DPYSL2: variants seen among roughly 807,000 people sequenced by gnomAD.
The protein encoded by DPYSL2 is dihydropyrimidinase like 2.
A neutral mutation model predicts 69.9 loss-of-function variants in DPYSL2; 13 were observed. The ratio of observed to expected loss-of-function variants is 0.19; its 90% confidence interval spans 0.12 to 0.30. DPYSL2 has a LOEUF of 0.30. Among genes scored for constraint, DPYSL2 ranks in the 10% least tolerant of loss-of-function variants. The pLI is 1.00. For missense variants in DPYSL2, 587 were observed against 918.9 expected (o/e 0.64, Z 4.67); for synonymous variants, 326 against 359.1 (o/e 0.91, Z 1.04).
rs9644117 is a variant in DPYSL2, at chr8:26,648,002, T to C, written c.1596+202T>C. Reference sequence around the variant, plus strand: ...GAGGTCAATAAGATTGTTACTCTCATAATCATTTTGGAATACCACAGCCTC... The same window carrying C: ...GAGGTCAATAAGATTGTTACTCTCACAATCATTTTGGAATACCACAGCCTC... On this transcript the variant is annotated intron_variant, in intron 11 of 13. Transcript: ENST00000521913. This position sits in a 1 kb window ranked among gnomAD's most constrained non-coding sequence, Gnocchi z 4.3. Among the ~76,000 whole-genome samples the C allele has an allele frequency of 0.44, 67,529 of 152,070 alleles. 16,235 individuals are homozygous for C. The highest frequency in any genetic ancestry group is 0.55 in the Non-Finnish European group (37,228 of 67,952).
At position 26,556,150 on chromosome 8, in the gene DPYSL2, A is replaced by ATAATAGT. The variant is rs1563384905; in HGVS notation, c.355-25819_355-25818insTAATAGT. Among the ~76,000 whole-genome samples the ATAATAGT allele has an allele frequency of 2.2e-3, 24 of 11,142 alleles. 1 individual carries two copies. The highest frequency in any genetic ancestry group is 2.6e-3 in the Non-Finnish European group (19 of 7,418). The allele number at this position is 11,142 out of a possible 152,430, so 7.3% of individuals were successfully genotyped here. ...ATTATATATACTATATATAGTATAT[A>ATAATAGT]CTATATATAGTATATACTATATATA... On this transcript the variant is annotated intron_variant, in intron 1 of 13. Coordinates refer to ENST00000521913, the MANE Select transcript of DPYSL2 (RefSeq NM_001197293.3).
intron 7 of DPYSL2, among the ~76,000 whole-genome samples, chr8:26,630,676 T>A (rs1286767849): frequency 6.6e-6 from 1 of 152,176 alleles, no homozygotes; most frequent in African/African-American, 2.4e-5. Flanking sequence ...CTACTGCCCA[T>A]GAGTGGTGGT....
At chr8:26,557,824 A>G (rs1387650422) in intron 1 of DPYSL2, among the ~76,000 whole-genome samples, 2 of 151,856 alleles carry the variant, frequency 1.3e-5, no homozygotes, top group Non-Finnish European at 2.9e-5. Context: ...AGCAACAATG[A>G]GATACCACTA....
Position 26,605,312 on chromosome 8 carries a change from AT to A in DPYSL2, c.629-18822del, listed in dbSNP as rs568178323. On this transcript the variant is annotated intron_variant, in intron 3 of 13. Transcript: ENST00000521913. This position sits in a 1 kb window ranked among gnomAD's most constrained non-coding sequence, Gnocchi z 4.1. ...GGGGAGAAAATATAAGATTATTACT[AT>A]TTTTTTTTATTGCCCAGGCTGGAGT... is the stretch of plus-strand genomic sequence containing the variant. Among the ~76,000 whole-genome samples, 376 of 151,014 alleles carry A rather than the reference AT, an allele frequency of 2.5e-3. 1 individual carries two copies. Among genetic ancestry groups the A allele is most frequent in the Non-Finnish European group, 2.9e-3 (193 of 67,620 alleles).
At position 26,605,235 on chromosome 8, in the gene DPYSL2, CGG is replaced by C. The variant is rs201047307; in HGVS notation, c.629-18907_629-18906del. On this transcript the variant is annotated intron_variant, in intron 3 of 13. Coordinates refer to ENST00000521913, the MANE Select transcript of DPYSL2 (RefSeq NM_001197293.3). The surrounding 1 kb of genome is among the most constrained non-coding windows in gnomAD (Gnocchi z 4.1). ...TTATCACTACTGTTTAACATGGTTC[CGG>C]ATATGTTAGCCAGTGTAATAAGATA... Among the ~76,000 whole-genome samples, 1,600 of 151,850 alleles carry C rather than the reference CGG, an allele frequency of 0.011. 14 individuals are homozygous for C. Among genetic ancestry groups the C allele is most frequent in the Middle Eastern group, 0.014 (4 of 294 alleles).
rs1471823512 is a variant in DPYSL2, at chr8:26,642,682, A to G, written c.1127-757A>G. ...CATGAGTCTCAACTTTCTGGTTTAC[A>G]TCTGAATGGACAGAGAAGAGGACAT... On this transcript the variant is annotated intron_variant, in intron 8 of 13. Coordinates refer to ENST00000521913, the MANE Select transcript of DPYSL2 (RefSeq NM_001197293.3). The surrounding 1 kb of genome is among the most constrained non-coding windows in gnomAD (Gnocchi z 5.3). 6.6e-6 allele frequency: 1 copy of G among 152,244 alleles called. No homozygotes were observed. The highest frequency in any genetic ancestry group is 2.4e-5 in the African/African-American group (1 of 41,462). 9.4% of individuals were successfully genotyped at this position (152,244 alleles called of 1,614,324 possible).
At chr8:26,577,148 C>T (rs933806083) in intron 1 of DPYSL2, 1 of 447,488 alleles carries the variant, frequency 2.2e-6, no homozygotes, top group Non-Finnish European at 4.5e-6. Flanking sequence ...GAAGGGTTTC[C>T]TCAGGGCTCT....
At chr8:26,524,801 CAAAAAAAAAAAAAAAAAA>C (rs753822230) in intron 1 of DPYSL2, among the ~76,000 whole-genome samples, 4 of 41,088 alleles carry the variant, frequency 9.7e-5, no homozygotes, top group East Asian at 1.0e-3. Flanking sequence ...GACTCTGTCT[CAAAAAAAAAAAAAAAAAA>C]AAAAAAAAAA....
intron 7 of DPYSL2, among the ~76,000 whole-genome samples, chr8:26,632,113 C>T (rs1203870474): frequency 6.6e-6 from 1 of 152,156 alleles, no homozygotes; most frequent in African/African-American, 2.4e-5. Flanking sequence ...TCCCAACCCA[C>T]CATGTGAGAC....
In DPYSL2 at chr8:26,643,956, C is replaced by A. The variant is rs1225276883; in HGVS notation, c.1290C>A (p.Asp430Glu). 1 of 1,614,008 alleles carries A rather than the reference C, an allele frequency of 6.2e-7. No homozygotes were observed. The highest frequency in any genetic ancestry group is 8.5e-7 in the Non-Finnish European group (1 of 1,179,930). Residue 430 changes from aspartate (D) to glutamate (E), a missense_variant, in exon 10 of 14, where the codon GAC (aspartate) becomes GAA (glutamate). By Grantham distance (45) the Asp-to-Glu change is conservative (BLOSUM62 2). Coordinates refer to ENST00000521913, the MANE Select transcript of DPYSL2 (RefSeq NM_001197293.3). The surrounding 1 kb of genome is among the most constrained non-coding windows in gnomAD (Gnocchi z 6.5). ...TTATGCATTTTCTTTGCAGTGGAGA[C>A]CTCCAGGTCACGGGCAGTGCCCATT... is the stretch of plus-strand genomic sequence containing the variant. Reference protein sequence around the residue: ...DFLNSLLSCGDLQVTGSAHCT... With the variant: ...DFLNSLLSCGELQVTGSAHCT...
At chr8:26,615,745 T>A (rs1182728814) in intron 3 of DPYSL2, among the ~76,000 whole-genome samples, 1 of 152,282 alleles carries the variant, frequency 6.6e-6, no homozygotes, top group African/African-American at 2.4e-5. Flanking sequence ...AATGCTGGGA[T>A]GTATGTTATT....
intron 1 of DPYSL2, among the ~76,000 whole-genome samples, chr8:26,535,633 A>ATT (rs1408347228): frequency 1.4e-4 from 21 of 149,984 alleles, no homozygotes; most frequent in African/African-American, 5.0e-4. Flanking sequence ...ATATATATAT[A>ATT]TATTTTTTTT....
chr8:26,572,575 C>T (rs12674776), intron 1 of DPYSL2, among the ~76,000 whole-genome samples: 66,506 of 152,114 alleles, frequency 0.44, 17,073 homozygotes, highest in East Asian at 0.71. Flanking sequence ...TCTCGGCTCA[C>T]TGCAACCTCC....
At chr8:26,551,084 G>C (rs1800867448) in intron 1 of DPYSL2, among the ~76,000 whole-genome samples, 1 of 152,144 alleles carries the variant, frequency 6.6e-6, no homozygotes, top group Admixed American at 6.5e-5. Context: ...CACCTTCATA[G>C]ACATACCTGG....
At position 26,652,192 on chromosome 8, in the gene DPYSL2, G is replaced by T; in HGVS notation, c.1597-65G>T. 1 of 1,483,630 alleles carries T rather than the reference G, an allele frequency of 6.7e-7. No individual in the cohort carries two copies. Among genetic ancestry groups the T allele is most frequent in the Admixed American group, 2.0e-5 (1 of 49,110 alleles). The allele number at this position is 1,483,630 out of a possible 1,614,324, so 91.9% of individuals were successfully genotyped here. A position where few individuals can be genotyped will look rare whatever the true frequency, so the allele number is the denominator to read the frequency against. On this transcript the variant is annotated intron_variant, in intron 11 of 13. Transcript: ENST00000521913. The surrounding 1 kb of genome is among the most constrained non-coding windows in gnomAD (Gnocchi z 6.3). ...TCTCTGTGGGGTTGGGGCAGTGGGT[G>T]CTGCCGGGTGGATTGAGTCCAGCCA...
chr8:26,614,468 A>G lies in DPYSL2; in HGVS notation c.629-9675A>G, dbSNP rs1802303852. Reference sequence around the variant, plus strand: ...TATCCGTATCCCTTTCGTATCTTTTAGTGAGTTTTTGTTTTCCCTAACTGG... The same window carrying G: ...TATCCGTATCCCTTTCGTATCTTTTGGTGAGTTTTTGTTTTCCCTAACTGG... On this transcript the variant is annotated intron_variant, in intron 3 of 13. Transcript: ENST00000521913. The surrounding 1 kb of genome is among the most constrained non-coding windows in gnomAD (Gnocchi z 4.9). Among the ~76,000 whole-genome samples the G allele has an allele frequency of 1.3e-5, 2 of 152,158 alleles. No individual in the cohort carries two copies. Among genetic ancestry groups the G allele is most frequent in the Admixed American group, 1.3e-4 (2 of 15,280 alleles).
rs1208078438 is a variant in DPYSL2, at chr8:26,582,037, C to T, written c.423C>T (p.Tyr141=). ...ACCAGTCGTTCTATGCAGACATATACATGGAAGATGGGTTGATCAAGTAAG... is the reference window on the plus strand; with the variant it reads ...ACCAGTCGTTCTATGCAGACATATATATGGAAGATGGGTTGATCAAGTAAG... ...NDDQSFYADI[Y]MEDGLIKQIG... is the part of the protein sequence containing the mutation. Residue 141 remains tyrosine (Y), a synonymous_variant, in exon 2 of 14, where the codon TAC becomes TAT. Coordinates refer to ENST00000521913, the MANE Select transcript of DPYSL2 (RefSeq NM_001197293.3). The surrounding 1 kb of genome is among the most constrained non-coding windows in gnomAD (Gnocchi z 4.1). 1.2e-6 allele frequency: 2 copies of T among 1,613,728 alleles called. No homozygotes were observed. The highest frequency in any genetic ancestry group is 2.2e-5 in the South Asian group (2 of 91,082).
At chr8:26,529,796 G>T (rs1170533410) in intron 1 of DPYSL2, among the ~76,000 whole-genome samples, 3 of 148,914 alleles carry the variant, frequency 2.0e-5, no homozygotes, top group Non-Finnish European at 4.4e-5. Context: ...TGCCAAAGCT[G>T]GTGGTGAAGA....
At chr8:26,544,101 C>G (rs1215686728) in intron 1 of DPYSL2, among the ~76,000 whole-genome samples, 1 of 151,684 alleles carries the variant, frequency 6.6e-6, no homozygotes, top group Admixed American at 6.6e-5. Context: ...AAAACAGACT[C>G]AATGTATTAG....
Sources: allele counts gnomAD v4.1 joint callset (sites outside exome capture counted in the v4.1 genomes callset), GRCh38; gene constraint gnomAD v4.1.1; non-coding constraint Gnocchi (gnomAD v3.1); transcripts MANE v1.5; gene names NCBI Gene and HGNC (gene_info 2026-07-23, HGNC 2026-07-21).